WDR64: variants seen among roughly 807,000 people sequenced by gnomAD.
The protein encoded by WDR64 is WD repeat-containing protein 64.
A neutral mutation model predicts 139.3 loss-of-function variants in WDR64; 112 were observed. The observed-to-expected ratio is 0.80, with a 90% CI of 0.69 to 0.94. WDR64 has a LOEUF of 0.94. WDR64 is among the 40% of genes least tolerant of loss of function. The probability of loss-of-function intolerance (pLI) is 0.00; values close to 1 mark genes in which losing one functional copy is unlikely to be tolerated. For synonymous variants in WDR64, 444 were observed against 437.7 expected, an observed-to-expected ratio of 1.01 and a Z score of -0.18; for missense variants, 1,206 against 1,293.1, an observed-to-expected ratio of 0.93 and a Z score of 1.03.
chr1:241,720,430 A>G (rs2148193873), intron 9 of WDR64, among the ~76,000 whole-genome samples: 1 of 152,270 alleles, frequency 6.6e-6, no homozygotes, highest in South Asian at 2.1e-4. Context: ...ACACTGTAAA[A>G]GCATTTCTTT....
rs75866302 is a variant in WDR64 at position 241,784,183 on chromosome 1, G to T, written c.2705+802G>T. On this transcript the variant is annotated intron_variant, in intron 23 of 27. Transcript: ENST00000437684. ...GCCACACAGTGTCCAGGAGGCACTG[G>T]TAAGAATTTGGATCCTTCCCCTGAA... is the stretch of plus-strand genomic sequence containing the variant. Among the ~76,000 whole-genome samples, 732 of 152,310 alleles carry T rather than the reference G, an allele frequency of 4.8e-3. 8 individuals are homozygous for T. Among genetic ancestry groups the T allele is most frequent in the African/African-American group, 0.017 (697 of 41,566 alleles).
chr1:241,766,609 G>A (rs113684283), intron 16 of WDR64, among the ~76,000 whole-genome samples: 3,739 of 152,032 alleles, frequency 0.025, 159 homozygotes, highest in African/African-American at 0.086. Context: ...GGTGAGGCAT[G>A]AGAATTGCTT....
chr1:241,732,507 A>G (rs145687805), intron 10 of WDR64, among the ~76,000 whole-genome samples: 1 of 152,230 alleles, frequency 6.6e-6, no homozygotes, highest in African/African-American at 2.4e-5. Flanking sequence ...TAGTCACTCT[A>G]TAATAAACAC....
chr1:241,777,535 A>G (rs577821320), intron 21 of WDR64, among the ~76,000 whole-genome samples: 2 of 151,664 alleles, frequency 1.3e-5, no homozygotes, highest in Non-Finnish European at 2.9e-5. Flanking sequence ...TTCCCACCTC[A>G]GCCTCCCAAG....
Position 241,801,135 on chromosome 1 carries a change from C to A in WDR64, c.3196C>A (p.Pro1066Thr), listed in dbSNP as rs1327473573. The change falls in exon 28 of 28, where the codon CCA becomes ACA. Residue 1066 changes from proline to threonine, a missense_variant. Coordinates refer to ENST00000437684, the MANE Select transcript of WDR64 (RefSeq NM_001367482.1). Reference sequence around the variant, plus strand: ...TGACATGCTCTTTATTTCACAGGCACCACGAAGAAGAAGTTTGAAAAAAAA... The same window carrying A: ...TGACATGCTCTTTATTTCACAGGCAACACGAAGAAGAAGTTTGAAAAAAAA... ...KGGHVQREKA[P>T]RRRSLKKNLV... is the part of the protein sequence containing the mutation. The A allele has an allele frequency of 6.2e-7, 1 of 1,613,236 alleles. No homozygotes were observed. Among genetic ancestry groups the A allele is most frequent in the Non-Finnish European group, 8.5e-7 (1 of 1,179,600 alleles).
rs1237192887 is a variant in WDR64 at position 241,748,511 on chromosome 1, C to A, written c.1595-1036C>A. ...TTTTCTTTTTTTGTCTGAGCCACAG[C>A]AGATCTCAATTTGGGGCCTTTTTTA... On this transcript the variant is annotated intron_variant, in intron 13 of 27. Coordinates refer to ENST00000437684, the MANE Select transcript of WDR64 (RefSeq NM_001367482.1). 2.0e-5 allele frequency among the ~76,000 whole-genome samples: 3 copies of A among 152,232 alleles called. No individual in the cohort carries two copies. The East Asian group carries it at 5.8e-4, about 29-fold the overall frequency.
intron 27 of WDR64, 121 bp downstream of exon 27, chr1:241,796,491 A>C: frequency 1.5e-6 from 1 of 659,778 alleles, no homozygotes; most frequent in Non-Finnish European, 2.3e-6. Context: ...TTCAGTTCAT[A>C]CTTTTTTTTT....
chr1:241,710,041 C>T (rs1003427782), intron 8 of WDR64, among the ~76,000 whole-genome samples: 13 of 151,568 alleles, frequency 8.6e-5, no homozygotes, highest in Admixed American at 2.6e-4. Flanking sequence ...TATATGCTAC[C>T]CTTTGTATTT....
rs1574098773 is a variant in WDR64, at chr1:241,789,512, T to C, written c.2892-1079T>C. Reference sequence around the variant, plus strand: ...TCAGTGGTAGACTGGATAAAGAAAGTGTGGTACATATACACCACGAAATAC... The same window carrying C: ...TCAGTGGTAGACTGGATAAAGAAAGCGTGGTACATATACACCACGAAATAC... On this transcript the variant is annotated intron_variant, in intron 24 of 27. Coordinates refer to ENST00000437684, the MANE Select transcript of WDR64 (RefSeq NM_001367482.1). Among the ~76,000 whole-genome samples, 3 of 152,174 alleles carry C rather than the reference T, an allele frequency of 2.0e-5. No homozygotes were observed. In the South Asian group the frequency reaches 6.2e-4, roughly 32 times the overall value.
chr1:241,708,712 G>T (rs6429295), intron 8 of WDR64, among the ~76,000 whole-genome samples: 18,950 of 42,226 alleles, frequency 0.45, 3,161 homozygotes, highest in African/African-American at 0.52. Flanking sequence ...TTGTTTTTTT[G>T]TTTTTTTTTT....
rs903031422 is a variant in WDR64, at chr1:241,775,001, A to T, written c.2431-104A>T. 4.9e-5 allele frequency: 43 copies of T among 877,730 alleles called. No homozygotes were observed. The East Asian group carries it at 1.1e-3, about 22-fold the overall frequency. 54.4% of individuals were successfully genotyped at this position (877,730 alleles called of 1,614,324 possible). On this transcript the variant is annotated intron_variant, in intron 20 of 27. Transcript: ENST00000437684. ...GAATCGTGGTTCAGTAGTAGAGATAATTCTTGAGATGCATTATTTACATAG... is the reference window on the plus strand; with the variant it reads ...GAATCGTGGTTCAGTAGTAGAGATATTTCTTGAGATGCATTATTTACATAG...
intron 9 of WDR64, among the ~76,000 whole-genome samples, chr1:241,716,287 G>GAAAAAAAAAAAAAAAAAAAAA (rs10696205): frequency 6.9e-6 from 1 of 145,256 alleles, no homozygotes; most frequent in South Asian, 2.2e-4. Flanking sequence ...GCTTTTGCAG[G>GAAAAAAAAAAAAAAAAAAAAA]AAAAAAAAAA....
At chr1:241,708,867 T>G (rs942697127) in intron 8 of WDR64, among the ~76,000 whole-genome samples, 1 of 152,082 alleles carries the variant, frequency 6.6e-6, no homozygotes, top group Non-Finnish European at 1.5e-5. Flanking sequence ...ATATCCAAAG[T>G]GATTCTGATG....
chr1:241,719,623 A>G (rs1321154392), intron 9 of WDR64, among the ~76,000 whole-genome samples: 1 of 152,178 alleles, frequency 6.6e-6, no homozygotes, highest in African/African-American at 2.4e-5. Context: ...TAAATACCCA[A>G]CTAACAAGTC....
chr1:241,747,505 T>C (rs1479564310), intron 13 of WDR64, among the ~76,000 whole-genome samples: 1 of 152,232 alleles, frequency 6.6e-6, no homozygotes, highest in African/African-American at 2.4e-5. Flanking sequence ...TTAACAAATT[T>C]TGCCAAACAC....
chr1:241,683,465 A>G (rs1666892862), intron 6 of WDR64, 22 bp from the exon 7 acceptor site: 1 of 1,547,872 alleles, frequency 6.5e-7, no homozygotes, highest in Non-Finnish European at 8.7e-7. Flanking sequence ...ATAATTCATT[A>G]AAGTCATTTT....
intron 9 of WDR64, among the ~76,000 whole-genome samples, chr1:241,720,398 G>A (rs1218669402): frequency 6.6e-6 from 1 of 152,052 alleles, no homozygotes; most frequent in East Asian, 1.9e-4. Flanking sequence ...CACAGTGGTT[G>A]AACTAATTTA....
intron 15 of WDR64, among the ~76,000 whole-genome samples, chr1:241,760,897 C>T (rs1365099171): frequency 6.6e-6 from 1 of 151,238 alleles, no homozygotes; most frequent in East Asian, 1.9e-4. Flanking sequence ...TCCCGAGTAG[C>T]TGGGATTACA....
chr1:241,730,416 C>T (rs1262838591), intron 10 of WDR64, among the ~76,000 whole-genome samples: 2 of 152,144 alleles, frequency 1.3e-5, no homozygotes, highest in Non-Finnish European at 2.9e-5. Context: ...GATTGTTGCC[C>T]TTTGGGACTC....
Sources: gnomAD v4.1 joint callset for allele counts (sites outside exome capture counted in the v4.1 genomes callset) on GRCh38, gnomAD v4.1.1 for gene constraint, MANE v1.5 for transcripts, NCBI Gene and HGNC (gene_info 2026-07-23, HGNC 2026-07-21) for gene names.